Variants in GRIP1 observed in about 807,000 individuals in gnomAD.
The protein encoded by GRIP1 is glutamate receptor interacting protein 1, also known as glutamate receptor-interacting protein 1.
A neutral mutation model predicts 129.9 loss-of-function variants in GRIP1; 45 were observed. That is an observed-to-expected ratio of 0.35 (90% confidence interval 0.27 to 0.44). The LOEUF is 0.44. Ranked by LOEUF, GRIP1 falls within the 20% of genes least tolerant of loss-of-function variation. GRIP1 has a pLI of 1.00. For missense variants in GRIP1, 1,196 were observed against 1,396.8 expected, an observed-to-expected ratio of 0.86 and a Z score of 2.29; for synonymous variants, 530 against 520.8, an observed-to-expected ratio of 1.02 and a Z score of -0.24.
intron 1 of GRIP1, among the ~76,000 whole-genome samples, chr12:66,890,853 C>T (rs1349108199): frequency 2.6e-5 from 4 of 152,076 alleles, no homozygotes; most frequent in Non-Finnish European, 5.9e-5. Flanking sequence ...TTCATTAATG[C>T]CAGAATTGAA....
At chr12:66,767,149 T>C (rs1015404598) in intron 1 of GRIP1, among the ~76,000 whole-genome samples, 2 of 152,332 alleles carry the variant, frequency 1.3e-5, no homozygotes, top group African/African-American at 4.8e-5. Flanking sequence ...CAGAAAGCCA[T>C]TGGATAGCTT....
chr12:66,353,650 A>G, intron 23 of GRIP1, 87 bp from the exon 24 acceptor site: 1 of 1,177,908 alleles, frequency 8.5e-7, no homozygotes, highest in East Asian at 2.3e-5. Context: ...TTTTCACACG[A>G]ATTTAGTCAC....
intron 7 of GRIP1, among the ~76,000 whole-genome samples, chr12:66,471,022 T>C (rs1368643173): frequency 6.6e-6 from 1 of 152,126 alleles, no homozygotes; most frequent in Non-Finnish European, 1.5e-5. Flanking sequence ...TCCCTTCCTC[T>C]GATCGACTGC....
chr12:67,025,174 A>T (rs1349451357), intron 1 of GRIP1, among the ~76,000 whole-genome samples: 3 of 152,196 alleles, frequency 2.0e-5, no homozygotes, highest in Non-Finnish European at 4.4e-5. Context: ...CCTCGTCTCT[A>T]CTAAAAATAC....
chr12:66,827,425 A>G, intron 1 of GRIP1, among the ~76,000 whole-genome samples: 1 of 149,316 alleles, frequency 6.7e-6, no homozygotes, highest in East Asian at 1.9e-4. Flanking sequence ...AGCGCACAAG[A>G]CAGCGAGAGC....
chr12:66,588,300 C>G (rs1250963282), intron 2 of GRIP1, among the ~76,000 whole-genome samples: 1 of 152,046 alleles, frequency 6.6e-6, no homozygotes, highest in Non-Finnish European at 1.5e-5. Flanking sequence ...CTCGGTTTCT[C>G]CTGGTACTCA....
rs143038190 is a variant in GRIP1, at chr12:66,543,389, C to T, written c.137-1439G>A. ...TGAGCGTGTATGATGTCAGCTTCAT[C>T]TACTACATTTTGTATGACAGACCAA... On this transcript the variant is annotated intron_variant, in intron 2 of 24. Transcript: ENST00000359742. Among the ~76,000 whole-genome samples, 6 of 152,298 alleles carry T rather than the reference C, an allele frequency of 3.9e-5. No homozygotes were observed. The East Asian group carries it at 1.2e-3, about 29-fold the overall frequency.
intron 2 of GRIP1, among the ~76,000 whole-genome samples, chr12:66,565,600 A>G (rs1008794782): frequency 4.6e-5 from 7 of 152,126 alleles, no homozygotes; most frequent in Admixed American, 6.6e-5. Flanking sequence ...CTGTCTTGGC[A>G]ATGCAGGCTC....
At chr12:66,707,943 A>G (rs1286031548) in intron 1 of GRIP1, among the ~76,000 whole-genome samples, 9 of 152,096 alleles carry the variant, frequency 5.9e-5, no homozygotes, top group Non-Finnish European at 1.2e-4. Flanking sequence ...CTAATTATGC[A>G]TAGTACTGAA....
In GRIP1 at chr12:66,759,000, C is replaced by T. The variant is rs143654397; in HGVS notation, c.-420+45053G>A. Among the ~76,000 whole-genome samples the T allele has an allele frequency of 5.8e-3, 884 of 152,252 alleles. 7 individuals carry two copies. The highest frequency in any genetic ancestry group is 0.015 in the African/African-American group (610 of 41,540). ...ATCTATCGTTCTGGGGTCTGGAGGA[C>T]GGTGTCCCTCTTCTCACAGCTCTGC... On this transcript the variant is annotated intron_variant, in intron 1 of 4. Coordinates refer to the GRIP1 transcript ENST00000538373.
At chr12:66,774,328 A>T (rs1395513515) in intron 1 of GRIP1, among the ~76,000 whole-genome samples, 1 of 152,204 alleles carries the variant, frequency 6.6e-6, no homozygotes, top group Admixed American at 6.6e-5. Context: ...CAAAGCTCTT[A>T]AAGTTGCCAT....
At chr12:66,429,436 C>T (rs2058081137) in intron 14 of GRIP1, among the ~76,000 whole-genome samples, 2 of 152,154 alleles carry the variant, frequency 1.3e-5, no homozygotes, top group South Asian at 2.1e-4. Flanking sequence ...GTGGCTCACA[C>T]CTGTAATCCC....
At chr12:66,871,074 T>C (rs940505398) in intron 1 of GRIP1, among the ~76,000 whole-genome samples, 4 of 152,072 alleles carry the variant, frequency 2.6e-5, no homozygotes, top group Non-Finnish European at 4.4e-5. Flanking sequence ...ATAATGAAAA[T>C]CTCAGCACTG....
chr12:66,537,519 C>CATATATAT lies in GRIP1; in HGVS notation c.418+1551_418+1558dup, dbSNP rs3047978. Among the ~76,000 whole-genome samples, 487 of 149,360 alleles carry CATATATAT rather than the reference C, an allele frequency of 3.3e-3. 4 individuals are homozygous for CATATATAT. Among genetic ancestry groups the CATATATAT allele is most frequent in the African/African-American group, 5.3e-3 (216 of 40,698 alleles). On this transcript the variant is annotated intron_variant, in intron 4 of 24. Transcript: ENST00000359742. The stretch of plus-strand genomic sequence containing the variant: ...TTTCATGCTTCAGAAATGGATATAT[C>CATATATAT]ATATATATATATATATGTATACCTA...
intron 1 of GRIP1, among the ~76,000 whole-genome samples, chr12:66,848,214 C>T (rs1466731852): frequency 6.6e-6 from 1 of 151,924 alleles, no homozygotes; most frequent in Non-Finnish European, 1.5e-5. Context: ...TCCCTCCTTC[C>T]CTTTCTTTTC....
intron 2 of GRIP1, among the ~76,000 whole-genome samples, chr12:66,553,485 G>C (rs2062210822): frequency 6.6e-6 from 1 of 151,852 alleles, no homozygotes; most frequent in Non-Finnish European, 1.5e-5. Flanking sequence ...AAAAAATACA[G>C]ACCTTGGGAG....
At chr12:66,624,526 C>T (rs1350137165) in intron 1 of GRIP1, among the ~76,000 whole-genome samples, 2 of 152,018 alleles carry the variant, frequency 1.3e-5, no homozygotes, top group Admixed American at 1.3e-4. Context: ...TATTGATTCT[C>T]TCTGAATGCA....
intron 1 of GRIP1, among the ~76,000 whole-genome samples, chr12:67,008,626 T>A (rs2042661570): frequency 6.6e-6 from 1 of 152,134 alleles, no homozygotes; most frequent in Non-Finnish European, 1.5e-5. Context: ...CTTGAGCAAG[T>A]TACTTAACAT....
intron 4 of GRIP1, among the ~76,000 whole-genome samples, chr12:66,531,248 AAAAAATATATATATATATATATATAT>A (rs1408869462): frequency 3.4e-4 from 19 of 55,648 alleles, no homozygotes; most frequent in African/African-American, 1.2e-3. Context: ...AAAAAAAAAA[AAAAAATATATATATATATATATATAT>A]ATATATATAT....
Sources: gnomAD v4.1 joint callset for allele counts (sites outside exome capture counted in the v4.1 genomes callset) on GRCh38, gnomAD v4.1.1 for gene constraint, MANE v1.5 for transcripts, NCBI Gene and HGNC (gene_info 2026-07-23, HGNC 2026-07-21) for gene names.